Variants in TSHZ2 observed in about 807,000 individuals in gnomAD.
TSHZ2 encodes teashirt zinc finger homeobox 2.
In TSHZ2, 21 loss-of-function variants were observed where a neutral mutation model predicts 74.4. The observed-to-expected ratio is 0.28, with a 90% CI of 0.20 to 0.41. The LOEUF (loss-of-function observed/expected upper bound fraction) is 0.41, where lower values mean the gene tolerates loss of function less well. TSHZ2 is among the 10% of genes least tolerant of loss of function. The probability of loss-of-function intolerance (pLI) is 1.00; values close to 1 mark genes in which losing one functional copy is unlikely to be tolerated. For missense variants in TSHZ2, 1,244 were observed against 1,293.5 expected (o/e 0.96, Z 0.59); for synonymous variants, 540 against 515.3 (o/e 1.05, Z -0.65).
chr20:53,057,497 G>GT (rs918745406), intron 1 of TSHZ2, among the ~76,000 whole-genome samples: 30 of 150,648 alleles, frequency 2.0e-4, no homozygotes, highest in East Asian at 9.7e-4. Flanking sequence ...GGTTATGTAT[G>GT]TTTTTTTTTC....
intron 1 of TSHZ2, among the ~76,000 whole-genome samples, chr20:53,216,514 C>G (rs1237711508): frequency 6.6e-6 from 1 of 152,218 alleles, no homozygotes; most frequent in Admixed American, 6.5e-5. Flanking sequence ...ATCAGGACAA[C>G]AAAGGGTTCT....
At chr20:53,287,948 TAA>T (rs973110889) in intron 2 of TSHZ2, among the ~76,000 whole-genome samples, 2 of 152,180 alleles carry the variant, frequency 1.3e-5, no homozygotes, top group Non-Finnish European at 2.9e-5. Flanking sequence ...TGGAGAAGAT[TAA>T]AGTCTTTAAT....
chr20:53,478,622 C>G (rs1274719569), intron 2 of TSHZ2, among the ~76,000 whole-genome samples: 1 of 151,262 alleles, frequency 6.6e-6, no homozygotes, highest in African/African-American at 2.4e-5. Flanking sequence ...TGTAACTAAC[C>G]TACACAATGT....
intron 1 of TSHZ2, among the ~76,000 whole-genome samples, chr20:53,030,167 A>G (rs984798965): frequency 1.4e-4 from 21 of 152,126 alleles, no homozygotes; most frequent in Non-Finnish European, 3.1e-4. Context: ...TACCACCAGG[A>G]AGTACCAGAG....
intron 1 of TSHZ2, among the ~76,000 whole-genome samples, chr20:53,125,579 G>A (rs961961620): frequency 2.0e-5 from 3 of 152,138 alleles, no homozygotes; most frequent in Middle Eastern, 3.4e-3. Context: ...CCCACCCTAC[G>A]TTCCTGCAGG....
chr20:53,388,392 G>T (rs753435998), intron 2 of TSHZ2, among the ~76,000 whole-genome samples: 20 of 152,108 alleles, frequency 1.3e-4, no homozygotes, highest in Non-Finnish European at 2.2e-4. Context: ...AATGAGGCAG[G>T]TCCTCTGCCC....
chr20:52,989,950 T>C (rs962069816), intron 1 of TSHZ2, among the ~76,000 whole-genome samples: 10 of 151,594 alleles, frequency 6.6e-5, no homozygotes, highest in Non-Finnish European at 1.5e-4. Flanking sequence ...TTAATATATA[T>C]ACATACTAAT....
intron 2 of TSHZ2, among the ~76,000 whole-genome samples, chr20:53,345,446 G>T (rs899881724): frequency 6.6e-6 from 1 of 151,744 alleles, no homozygotes; most frequent in Admixed American, 6.6e-5. Context: ...AGTGTAGACC[G>T]CCATAGGAAA....
At chr20:53,183,033 G>A (rs1209330042) in intron 1 of TSHZ2, among the ~76,000 whole-genome samples, 1 of 152,162 alleles carries the variant, frequency 6.6e-6, no homozygotes, top group African/African-American at 2.4e-5. Flanking sequence ...CTGAGCAAAA[G>A]ACATGCAAGC....
Position 53,203,034 on chromosome 20 carries a change from C to A in TSHZ2, c.41-50465C>A, listed in dbSNP as rs535164666. Among the ~76,000 whole-genome samples, 31 of 152,218 alleles carry A rather than the reference C, an allele frequency of 2.0e-4. 1 individual carries two copies. In the Middle Eastern group the frequency reaches 0.01, roughly 50 times the overall value. On this transcript the variant is annotated intron_variant, in intron 1 of 2. Coordinates refer to ENST00000371497, the MANE Select transcript of TSHZ2 (RefSeq NM_173485.6). ...GAGCTGTTTAGTCTTTTCCATCCTT[C>A]TCGATATGAATCATTGTCAGATTCA...
At chr20:53,222,367 C>A (rs773162882) in intron 1 of TSHZ2, among the ~76,000 whole-genome samples, 2 of 152,216 alleles carry the variant, frequency 1.3e-5, no homozygotes, top group Non-Finnish European at 2.9e-5. Context: ...TACCTCAATG[C>A]AGACCAGCAG....
intron 1 of TSHZ2, among the ~76,000 whole-genome samples, chr20:53,232,722 C>A (rs902126170): frequency 1.3e-5 from 2 of 151,972 alleles, no homozygotes; most frequent in Non-Finnish European, 2.9e-5. Flanking sequence ...AGAGCGAGAC[C>A]CCCCCTCTAG....
intron 1 of TSHZ2, among the ~76,000 whole-genome samples, chr20:53,035,881 A>G (rs1225213714): frequency 6.6e-6 from 1 of 152,250 alleles, no homozygotes; most frequent in African/African-American, 2.4e-5. Context: ...AGCATCAGAT[A>G]GATATTCCTG....
At chr20:53,002,726 G>T (rs780411097) in intron 1 of TSHZ2, among the ~76,000 whole-genome samples, 6 of 152,068 alleles carry the variant, frequency 3.9e-5, no homozygotes, top group Non-Finnish European at 7.4e-5. Context: ...TTAGTATAAG[G>T]ATGTCCAGTA....
chr20:52,999,318 G>A (rs1239196125), intron 1 of TSHZ2, among the ~76,000 whole-genome samples: 1 of 152,196 alleles, frequency 6.6e-6, no homozygotes, highest in Admixed American at 6.5e-5. Context: ...GCTCTCAGGG[G>A]ACAGAAGCAA....
intron 2 of TSHZ2, among the ~76,000 whole-genome samples, chr20:53,438,271 C>T (rs6063944): frequency 0.075 from 11,325 of 151,766 alleles, 531 homozygotes; most frequent in South Asian, 0.23. Flanking sequence ...CACGACACCC[C>T]GCTAATTTTT....
At chr20:53,137,296 C>CTTTTTTT (rs759993398) in intron 1 of TSHZ2, among the ~76,000 whole-genome samples, 2 of 135,270 alleles carry the variant, frequency 1.5e-5, no homozygotes, top group Non-Finnish European at 1.6e-5. Context: ...ATTCGTGTTT[C>CTTTTTTT]TTTTTTTTTT....
chr20:53,383,789 T>C (rs1239416346), intron 2 of TSHZ2, among the ~76,000 whole-genome samples: 2 of 152,004 alleles, frequency 1.3e-5, no homozygotes, highest in Non-Finnish European at 2.9e-5. Context: ...TAATAATAAT[T>C]GTTATTACAA....
chr20:53,316,652 G>A (rs1355040067), intron 2 of TSHZ2, among the ~76,000 whole-genome samples: 3 of 150,814 alleles, frequency 2.0e-5, no homozygotes, highest in African/African-American at 4.9e-5. Flanking sequence ...TGTGAAATAT[G>A]TAATTTTGGG....
Sources: gnomAD v4.1 joint callset for allele counts (sites outside exome capture counted in the v4.1 genomes callset) on GRCh38, gnomAD v4.1.1 for gene constraint, MANE v1.5 for transcripts, NCBI Gene and HGNC (gene_info 2026-07-23, HGNC 2026-07-21) for gene names.